CNTNAP2: variants seen among roughly 807,000 people sequenced by gnomAD.
CNTNAP2 encodes contactin associated protein 2.
A neutral mutation model predicts 155.2 loss-of-function variants in CNTNAP2; 98 were observed. The ratio of observed to expected loss-of-function variants is 0.63; its 90% confidence interval spans 0.54 to 0.75. The LOEUF is 0.75. Ranked by LOEUF, CNTNAP2 falls within the 30% of genes least tolerant of loss-of-function variation. The probability of loss-of-function intolerance (pLI) is 0.00; values close to 1 mark genes in which losing one functional copy is unlikely to be tolerated. For missense variants in CNTNAP2, 1,727 were observed against 1,688.1 expected, an observed-to-expected ratio of 1.02 and a Z score of -0.40; for synonymous variants, 651 against 631.2, an observed-to-expected ratio of 1.03 and a Z score of -0.47.
chr7:148,369,138 T>A (rs1233837514), intron 21 of CNTNAP2, among the ~76,000 whole-genome samples: 1 of 151,742 alleles, frequency 6.6e-6, no homozygotes, highest in Non-Finnish European at 1.5e-5. Context: ...TCTTTAGCTG[T>A]TACCATTATA....
chr7:146,774,237 A>C, intron 1 of CNTNAP2, 34 bp from the exon 2 acceptor site: 1 of 1,479,878 alleles, frequency 6.8e-7, no homozygotes, highest in Non-Finnish European at 9.4e-7. Context: ...ATCGTTGTTG[A>C]GTGTCTCTCT....
intron 10 of CNTNAP2, among the ~76,000 whole-genome samples, chr7:147,408,107 A>G (rs372485141): frequency 2.0e-5 from 3 of 152,250 alleles, no homozygotes; most frequent in African/African-American, 7.2e-5. Flanking sequence ...CTTGAAGAAT[A>G]ATTTGTAAAC....
intron 1 of CNTNAP2, among the ~76,000 whole-genome samples, chr7:146,234,313 GT>G (rs1359244896): frequency 5.3e-5 from 8 of 152,058 alleles, no homozygotes; most frequent in Non-Finnish European, 8.8e-5. Context: ...TGATGGGGTT[GT>G]TTTTTTCTTG....
chr7:146,328,388 T>C (rs1236775379), intron 1 of CNTNAP2, among the ~76,000 whole-genome samples: 1 of 152,164 alleles, frequency 6.6e-6, no homozygotes, highest in Non-Finnish European at 1.5e-5. Context: ...TTTCCAGCTT[T>C]ATTGAGGTAT....
chr7:147,751,396 T>TAAA (rs59271527), intron 13 of CNTNAP2, among the ~76,000 whole-genome samples: 111,164 of 144,484 alleles, frequency 0.77, 47,258 homozygotes, highest in Non-Finnish European at 0.94. Context: ...TGAATTTAGT[T>TAAA]AAAAAAAAAA....
At chr7:148,091,230 CA>C (rs1307867773) in intron 15 of CNTNAP2, among the ~76,000 whole-genome samples, 14 of 151,878 alleles carry the variant, frequency 9.2e-5, no homozygotes, top group Non-Finnish European at 7.4e-5. Flanking sequence ...GTTTCCATTA[CA>C]AAAAAAGATA....
chr7:148,274,902 T>C (rs954397101), intron 21 of CNTNAP2, among the ~76,000 whole-genome samples: 1 of 152,242 alleles, frequency 6.6e-6, no homozygotes, highest in Non-Finnish European at 1.5e-5. Context: ...GGAATAGTAA[T>C]GGTCTCTGTG....
intron 3 of CNTNAP2, among the ~76,000 whole-genome samples, chr7:146,973,278 T>G (rs934114567): frequency 8.5e-5 from 13 of 152,172 alleles, no homozygotes; most frequent in Non-Finnish European, 1.8e-4. Context: ...TCCACCCGCC[T>G]CAGCCTCCCA....
chr7:146,913,758 CT>C (rs200967115), intron 3 of CNTNAP2, among the ~76,000 whole-genome samples: 15 of 148,982 alleles, frequency 1.0e-4, no homozygotes, highest in South Asian at 4.3e-4. Context: ...CATATGGATT[CT>C]TTTTTTTTTC....
intron 1 of CNTNAP2, among the ~76,000 whole-genome samples, chr7:146,671,921 T>C (rs986217133): frequency 6.6e-6 from 1 of 152,102 alleles, no homozygotes; most frequent in Non-Finnish European, 1.5e-5. Context: ...GTTCAAGCGA[T>C]TCTCCTGCTT....
intron 15 of CNTNAP2, among the ~76,000 whole-genome samples, chr7:148,092,879 T>TA (rs11321148): frequency 0.085 from 10,368 of 122,612 alleles, 428 homozygotes; most frequent in Non-Finnish European, 0.11. Flanking sequence ...AGTCTCAATT[T>TA]AAAAAAAAAA....
intron 10 of CNTNAP2, among the ~76,000 whole-genome samples, chr7:147,399,439 A>C (rs2116463295): frequency 6.6e-6 from 1 of 152,268 alleles, no homozygotes; most frequent in Middle Eastern, 3.4e-3. Context: ...CCAATTCTGA[A>C]TATATTTTGG....
chr7:147,922,776 A>G (rs985818610), intron 14 of CNTNAP2, among the ~76,000 whole-genome samples: 4 of 152,320 alleles, frequency 2.6e-5, no homozygotes, highest in Non-Finnish European at 4.4e-5. Context: ...AAACAGCAAC[A>G]AAAATAGGCT....
chr7:146,931,030 G>A (rs1238928371), intron 3 of CNTNAP2, among the ~76,000 whole-genome samples: 1 of 151,968 alleles, frequency 6.6e-6, no homozygotes, highest in South Asian at 2.1e-4. Context: ...AGATCAACGA[G>A]ACAGAAAGTT....
intron 1 of CNTNAP2, among the ~76,000 whole-genome samples, chr7:146,369,654 T>C (rs532348176): frequency 1.3e-4 from 20 of 152,344 alleles, no homozygotes; most frequent in African/African-American, 4.3e-4. Context: ...CACATATGTA[T>C]AGTGGAACAC....
At chr7:147,829,204 G>A (rs1022395206) in intron 13 of CNTNAP2, among the ~76,000 whole-genome samples, 1 of 152,142 alleles carries the variant, frequency 6.6e-6, no homozygotes, top group African/African-American at 2.4e-5. Flanking sequence ...AATTGGATCA[G>A]CTGGAGGCAA....
intron 14 of CNTNAP2, among the ~76,000 whole-genome samples, chr7:147,941,758 C>T (rs1800725869): frequency 6.6e-6 from 1 of 152,118 alleles, no homozygotes; most frequent in African/African-American, 2.4e-5. Flanking sequence ...TTGAATGTCC[C>T]CATAAACAAG....
At position 146,714,136 on chromosome 7, in the gene CNTNAP2, G is replaced by A. The variant is rs73740810; in HGVS notation, c.98-60135G>A. Among the ~76,000 whole-genome samples, 120 of 152,126 alleles carry A rather than the reference G, an allele frequency of 7.9e-4. 1 individual carries two copies. The highest frequency in any genetic ancestry group is 2.6e-3 in the African/African-American group (108 of 41,492). On this transcript the variant is annotated intron_variant, in intron 1 of 23. Coordinates refer to ENST00000361727, the MANE Select transcript of CNTNAP2 (RefSeq NM_014141.6). ...TCTCATATAGAAACTCCACATGAAA[G>A]CCTTCCGTGACGCATGATCATGGCT...
chr7:147,068,693 G>C (rs1189559341), intron 4 of CNTNAP2, among the ~76,000 whole-genome samples: 1 of 152,148 alleles, frequency 6.6e-6, no homozygotes, highest in African/African-American at 2.4e-5. Context: ...AGTAAAGGAG[G>C]CTATCTCCAA....
Sources: gnomAD v4.1 joint callset for allele counts (sites outside exome capture counted in the v4.1 genomes callset) on GRCh38, gnomAD v4.1.1 for gene constraint, MANE v1.5 for transcripts, NCBI Gene and HGNC (gene_info 2026-07-23, HGNC 2026-07-21) for gene names.